Variants in MMP16 observed in about 807,000 individuals in gnomAD.
MMP16 encodes the protein matrix metallopeptidase 16.
In MMP16, 12 loss-of-function variants were observed where a neutral mutation model predicts 67.8. The observed-to-expected ratio is 0.18, with a 90% CI of 0.11 to 0.29. The LOEUF is 0.29. MMP16 is among the 10% of genes least tolerant of loss of function. The probability of loss-of-function intolerance (pLI) is 1.00; values close to 1 mark genes in which losing one functional copy is unlikely to be tolerated. For synonymous variants in MMP16, 249 were observed against 255.9 expected, an observed-to-expected ratio of 0.97 and a Z score of 0.26; for missense variants, 475 against 765.7, an observed-to-expected ratio of 0.62 and a Z score of 4.48.
rs548616590 is a variant in MMP16 at position 88,057,369 on chromosome 8, A to G, written c.1223-1091T>C. ...TTAGGGATGATAGTAGTAGTGCAGT[A>G]TCTCCACTAATATTAAGATATTTCC... On this transcript the variant is annotated intron_variant, in intron 7 of 9. Coordinates refer to ENST00000286614, the MANE Select transcript of MMP16 (RefSeq NM_005941.5). Among the ~76,000 whole-genome samples the G allele has an allele frequency of 9.9e-5, 15 of 152,212 alleles. No homozygotes were observed. In the South Asian group the frequency reaches 2.7e-3, roughly 27 times the overall value.
At chr8:88,223,355 A>G (rs1206596360) in intron 1 of MMP16, among the ~76,000 whole-genome samples, 1 of 152,152 alleles carries the variant, frequency 6.6e-6, no homozygotes, top group Non-Finnish European at 1.5e-5. Context: ...ATATACCCAA[A>G]GGATTTTAAA....
rs985979315 is a variant in MMP16 at position 88,105,007 on chromosome 8, C to T, written c.1083+11500G>A. On this transcript the variant is annotated intron_variant, in intron 6 of 9. Transcript: ENST00000286614. The stretch of plus-strand genomic sequence containing the variant: ...CCTAAGTATAAAATATTTATGAAGT[C>T]GACAGTAGTGTACAGGAATATCCTA... 4.0e-5 allele frequency among the ~76,000 whole-genome samples: 6 copies of T among 151,488 alleles called. No homozygotes were observed. In the South Asian group the frequency reaches 8.3e-4, roughly 21 times the overall value.
At chr8:88,288,171 T>A (rs1183520442) in intron 1 of MMP16, among the ~76,000 whole-genome samples, 1 of 152,124 alleles carries the variant, frequency 6.6e-6, no homozygotes, top group Non-Finnish European at 1.5e-5. Flanking sequence ...TCAATAAACA[T>A]AATACACTCC....
Position 88,167,874 on chromosome 8 carries a change from T to C in MMP16, c.504A>G (p.Glu168=). ...VWQNVTPLTF[E]EVPYSELENG... ...TTTCTAATTCACTGTAGGGAACTTC[T>C]TCAAATGTCAGAGGAGTTACATTCT... Residue 168 remains glutamate, a synonymous_variant, in exon 4 of 10, where the codon GAA becomes GAG. Coordinates refer to ENST00000286614, the MANE Select transcript of MMP16 (RefSeq NM_005941.5). 6.2e-7 allele frequency: 1 copy of C among 1,614,054 alleles called. No individual in the cohort carries two copies. The highest frequency in any genetic ancestry group is 8.5e-7 in the Non-Finnish European group (1 of 1,179,974).
chr8:88,300,767 A>G (rs1260880387), intron 1 of MMP16, among the ~76,000 whole-genome samples: 1 of 152,160 alleles, frequency 6.6e-6, no homozygotes, highest in Non-Finnish European at 1.5e-5. Context: ...CCAAGTTCTC[A>G]CTGTCTGAAA....
chr8:88,162,478 A>G (rs978944288), intron 4 of MMP16, among the ~76,000 whole-genome samples: 3 of 152,108 alleles, frequency 2.0e-5, no homozygotes, highest in African/African-American at 7.2e-5. Flanking sequence ...TAAAATCTTA[A>G]TAAGTTATCT....
chr8:88,256,437 T>C (rs1810301685), intron 1 of MMP16, among the ~76,000 whole-genome samples: 1 of 152,104 alleles, frequency 6.6e-6, no homozygotes, highest in South Asian at 2.1e-4. Context: ...TGTCACCTAC[T>C]GCTTGGTTTT....
chr8:88,090,160 G>T (rs1808909445), intron 6 of MMP16, among the ~76,000 whole-genome samples: 2 of 151,980 alleles, frequency 1.3e-5, no homozygotes, highest in Middle Eastern at 6.8e-3. Context: ...CAAGGTTTTA[G>T]AATTTTTCAG....
intron 6 of MMP16, among the ~76,000 whole-genome samples, chr8:88,086,837 A>C (rs2118328278): frequency 6.6e-6 from 1 of 152,008 alleles, no homozygotes. Context: ...CTCTGAAATT[A>C]CCTTGTTTAT....
chr8:88,327,150 C>G lies in MMP16; in HGVS notation c.57G>C (p.Gly19=). Residue 19 remains glycine, a synonymous_variant, in exon 1 of 10, where the codon GGG becomes GGC. Coordinates refer to ENST00000286614, the MANE Select transcript of MMP16 (RefSeq NM_005941.5). ...AAAGCAAGGTTTGCAAGAAAAACAC[C>G]CCCGAATGATGCACGAAATCCAACC... ...GRRLDFVHHS[G]VFFLQTLLWI... The G allele has an allele frequency of 6.2e-7, 1 of 1,614,082 alleles. No homozygotes were observed. The highest frequency in any genetic ancestry group is 8.5e-7 in the Non-Finnish European group (1 of 1,180,020).
chr8:88,298,219 C>T (rs2130035443), intron 1 of MMP16, among the ~76,000 whole-genome samples: 1 of 151,198 alleles, frequency 6.6e-6, no homozygotes, highest in East Asian at 1.9e-4. Context: ...TCAGTTAAAA[C>T]TAATAACAAC....
At chr8:88,160,262 A>G (rs201627781) in intron 4 of MMP16, among the ~76,000 whole-genome samples, 2 of 151,746 alleles carry the variant, frequency 1.3e-5, no homozygotes, top group Non-Finnish European at 2.9e-5. Context: ...GAGAATGATG[A>G]TTTCCAATTT....
At position 88,244,042 on chromosome 8, in the gene MMP16, A is replaced by G. The variant is rs1349400642; in HGVS notation, c.133-46736T>C. 2.3e-4 allele frequency among the ~76,000 whole-genome samples: 5 copies of G among 21,898 alleles called. No homozygotes were observed. In the Admixed American group the frequency reaches 4.5e-3, roughly 20 times the overall value. 14.4% of individuals were successfully genotyped at this position (21,898 alleles called of 152,430 possible). Reference sequence around the variant, plus strand: ...AACAATAATGAAGTTTTTTTTTTTAATTCATCCAGTGAAAAGTTCTAGTAA... The same window carrying G: ...AACAATAATGAAGTTTTTTTTTTTAGTTCATCCAGTGAAAAGTTCTAGTAA... On this transcript the variant is annotated intron_variant, in intron 1 of 9. Coordinates refer to ENST00000286614, the MANE Select transcript of MMP16 (RefSeq NM_005941.5).
At chr8:88,110,919 GT>G (rs1319245214) in intron 6 of MMP16, among the ~76,000 whole-genome samples, 3 of 151,658 alleles carry the variant, frequency 2.0e-5, no homozygotes, top group Non-Finnish European at 4.4e-5. Context: ...CAATACATCT[GT>G]GATGGAGTTT....
At chr8:88,127,322 G>A (rs139932707) in intron 4 of MMP16, among the ~76,000 whole-genome samples, 37 of 151,868 alleles carry the variant, frequency 2.4e-4, no homozygotes, top group Middle Eastern at 3.4e-3. Flanking sequence ...TATGATTGGA[G>A]TATGATGCAA....
Position 88,056,187 on chromosome 8 carries a change from A to G in MMP16, c.1314T>C (p.Gly438=), listed in dbSNP as rs1252723960. The G allele has an allele frequency of 9.4e-6, 15 of 1,597,560 alleles. No individual in the cohort carries two copies. The highest frequency in any genetic ancestry group is 1.3e-5 in the Non-Finnish European group (15 of 1,170,632). Residue 438 remains glycine (G), a synonymous_variant, in exon 8 of 10, where the codon GGT becomes GGC. Coordinates refer to ENST00000286614, the MANE Select transcript of MMP16 (RefSeq NM_005941.5). ...ITLGSGIPPH[G]IDSAIWWEDV... ...CCTCCCACCAAATGGCTGAATCAAT[A>G]CCATGAGGGGGAATTCCACTTCCAA...
intron 5 of MMP16, among the ~76,000 whole-genome samples, chr8:88,118,099 A>C (rs1284117019): frequency 6.6e-6 from 1 of 152,038 alleles, no homozygotes; most frequent in Admixed American, 6.6e-5. Context: ...CTATACTAAA[A>C]ATTTGTTTTG....
intron 1 of MMP16, among the ~76,000 whole-genome samples, chr8:88,212,679 T>G (rs1809530594): frequency 6.6e-6 from 1 of 152,134 alleles, no homozygotes; most frequent in South Asian, 2.1e-4. Context: ...GAAAAGGTCC[T>G]TTGAACTGTA....
intron 8 of MMP16, among the ~76,000 whole-genome samples, chr8:88,053,640 A>G (rs1296579936): frequency 6.6e-6 from 1 of 152,202 alleles, no homozygotes; most frequent in African/African-American, 2.4e-5. Context: ...AGTGACAACT[A>G]AATTGTTGTG....
Sources: allele counts gnomAD v4.1 joint callset (sites outside exome capture counted in the v4.1 genomes callset), GRCh38; gene constraint gnomAD v4.1.1; transcripts MANE v1.5; gene names NCBI Gene and HGNC (gene_info 2026-07-23, HGNC 2026-07-21).